RELN: variants seen among roughly 807,000 people sequenced by gnomAD.
RELN encodes the protein reelin.
Under a neutral mutation model 427.6 loss-of-function variants are expected in RELN, and 108 were observed. That is an observed-to-expected ratio of 0.25 (90% CI 0.22 to 0.30). The LOEUF is 0.30. Ranked by LOEUF, RELN falls within the 10% of genes least tolerant of loss-of-function variation. RELN has a pLI of 1.00. For missense variants in RELN, 3,715 were observed against 4,302.8 expected, an observed-to-expected ratio of 0.86 and a Z score of 3.82; for synonymous variants, 1,524 against 1,513.4, an observed-to-expected ratio of 1.01 and a Z score of -0.16.
In RELN at chr7:103,789,305, T is replaced by C. The variant is rs1455491913; in HGVS notation, c.474-12678A>G. Among the ~76,000 whole-genome samples the C allele has an allele frequency of 2.6e-5, 4 of 152,092 alleles. No individual in the cohort carries two copies. In the East Asian group the frequency reaches 7.7e-4, roughly 29 times the overall value. ...GCAAAGACTTCATGACTAAAACACCTAAAGCAACAGCAACAAAAGCCAAAA... is the reference window on the plus strand; with the variant it reads ...GCAAAGACTTCATGACTAAAACACCCAAAGCAACAGCAACAAAAGCCAAAA... On this transcript the variant is annotated intron_variant, in intron 3 of 64. Coordinates refer to ENST00000428762, the MANE Select transcript of RELN (RefSeq NM_005045.4).
At chr7:103,588,492 C>G (rs967032887) in intron 28 of RELN, among the ~76,000 whole-genome samples, 2 of 152,086 alleles carry the variant, frequency 1.3e-5, no homozygotes, top group Non-Finnish European at 2.9e-5. Flanking sequence ...AGAAGGGTGA[C>G]TATACTTAAC....
At chr7:103,780,357 TC>T (rs1255471538) in intron 3 of RELN, among the ~76,000 whole-genome samples, 1 of 152,252 alleles carries the variant, frequency 6.6e-6, no homozygotes, top group African/African-American at 2.4e-5. Context: ...TTTTAAACTT[TC>T]TTCCATTTTA....
rs140330003 is a variant in RELN, at chr7:103,607,384, C to T, written c.3009-2901G>A. 3.4e-3 allele frequency among the ~76,000 whole-genome samples: 515 copies of T among 152,304 alleles called. 7 individuals carry two copies. Among genetic ancestry groups the T allele is most frequent in the African/African-American group, 0.012 (485 of 41,572 alleles). ...GTGTGAGCAATCTCCAGCTGTCACA[C>T]GTGAGAAGACAAGGTGCAAAGTCTC... is the stretch of plus-strand genomic sequence containing the variant. On this transcript the variant is annotated intron_variant, in intron 22 of 64. Coordinates refer to ENST00000428762, the MANE Select transcript of RELN (RefSeq NM_005045.4).
chr7:103,659,265 C>T (rs1288695833), intron 12 of RELN, among the ~76,000 whole-genome samples: 3 of 152,004 alleles, frequency 2.0e-5, no homozygotes, highest in Non-Finnish European at 2.9e-5. Flanking sequence ...TTATTTCAAT[C>T]TTCCATCATA....
chr7:103,695,546 T>C (rs1427149720), intron 10 of RELN, among the ~76,000 whole-genome samples: 5 of 152,114 alleles, frequency 3.3e-5, no homozygotes, highest in African/African-American at 1.2e-4. Context: ...CCACACCTCA[T>C]GCATTTTTAT....
intron 2 of RELN, among the ~76,000 whole-genome samples, chr7:103,862,716 T>C (rs941941773): frequency 2.0e-5 from 3 of 152,130 alleles, no homozygotes; most frequent in Non-Finnish European, 4.4e-5. Flanking sequence ...TAAAGTCAAA[T>C]GTATTGAAAC....
intron 1 of RELN, among the ~76,000 whole-genome samples, chr7:103,956,374 C>G (rs1007795073): frequency 2.6e-5 from 4 of 152,174 alleles, no homozygotes; most frequent in African/African-American, 9.7e-5. Flanking sequence ...AAAGTAACAA[C>G]ACTGCTGAAG....
chr7:103,901,247 C>A (rs813916), intron 2 of RELN, among the ~76,000 whole-genome samples: 124,327 of 151,942 alleles, frequency 0.82, 51,222 homozygotes, highest in African/African-American at 0.93. Context: ...AAGTAAAACA[C>A]AAAAAAGCAA....
intron 2 of RELN, among the ~76,000 whole-genome samples, chr7:103,855,802 C>T (rs1229891870): frequency 2.0e-5 from 3 of 152,112 alleles, no homozygotes; most frequent in Non-Finnish European, 4.4e-5. Context: ...ATGGCATTCT[C>T]CCTGTATCTC....
intron 5 of RELN, among the ~76,000 whole-genome samples, chr7:103,750,979 A>C (rs1461783879): frequency 6.6e-6 from 1 of 152,206 alleles, no homozygotes; most frequent in Admixed American, 6.5e-5. Context: ...TAGATGATGA[A>C]TAAGTAAACT....
intron 3 of RELN, among the ~76,000 whole-genome samples, chr7:103,801,223 A>C (rs539802985): frequency 6.6e-6 from 1 of 152,226 alleles, no homozygotes; most frequent in Admixed American, 6.5e-5. Flanking sequence ...CAGCCATCCC[A>C]TTACTGGGTA....
At chr7:103,642,706 A>G (rs554906696) in intron 16 of RELN, among the ~76,000 whole-genome samples, 2 of 152,076 alleles carry the variant, frequency 1.3e-5, no homozygotes, top group South Asian at 4.1e-4. Flanking sequence ...GCTTCATTGC[A>G]CTCTTAATTT....
intron 1 of RELN, among the ~76,000 whole-genome samples, chr7:103,949,380 C>T (rs1796287134): frequency 2.0e-5 from 2 of 102,264 alleles, no homozygotes; most frequent in East Asian, 8.0e-4. Context: ...AAACTTTGAA[C>T]TTAAAAAAAA....
At chr7:103,526,597 T>G (rs1020784869) in intron 46 of RELN, among the ~76,000 whole-genome samples, 2 of 152,188 alleles carry the variant, frequency 1.3e-5, no homozygotes, top group African/African-American at 2.4e-5. Flanking sequence ...AGAGGAAACA[T>G]TTTCACTAAG....
At chr7:103,774,059 G>T (rs1452783135) in intron 4 of RELN, among the ~76,000 whole-genome samples, 2 of 151,978 alleles carry the variant, frequency 1.3e-5, no homozygotes, top group Non-Finnish European at 2.9e-5. Flanking sequence ...ACTTTGGGAG[G>T]TTGAGGCAGG....
intron 6 of RELN, among the ~76,000 whole-genome samples, chr7:103,736,595 G>C (rs1159089409): frequency 6.6e-6 from 1 of 152,066 alleles, no homozygotes; most frequent in Non-Finnish European, 1.5e-5. Flanking sequence ...TTCATTAACA[G>C]GTACGAATGA....
intron 20 of RELN, among the ~76,000 whole-genome samples, chr7:103,612,280 A>G (rs1831977343): frequency 6.6e-6 from 1 of 152,070 alleles, no homozygotes; most frequent in Admixed American, 6.6e-5. Flanking sequence ...AGATAATATA[A>G]TCACATTAAA....
chr7:103,989,002 G>A lies in RELN; in HGVS notation c.226+129C>T, dbSNP rs2116859423. On this transcript the variant is annotated intron_variant, in intron 1 of 64. Coordinates refer to ENST00000428762, the MANE Select transcript of RELN (RefSeq NM_005045.4). This position sits in a 1 kb window ranked among gnomAD's most constrained non-coding sequence, Gnocchi z 4.9. Reference sequence around the variant, plus strand: ...ACTTTATTCTCGCTCCCTGGACCAAGCGCATCGCTGGGGCCAGGGTTGTCA... The same window carrying A: ...ACTTTATTCTCGCTCCCTGGACCAAACGCATCGCTGGGGCCAGGGTTGTCA... 1.2e-6 allele frequency: 1 copy of A among 800,626 alleles called. No individual in the cohort carries two copies. The highest frequency in any genetic ancestry group is 2.6e-5 in the East Asian group (1 of 39,032). The allele number at this position is 800,626 out of a possible 1,614,324, so 49.6% of individuals were successfully genotyped here. A position where few individuals can be genotyped will look rare whatever the true frequency, so the allele number is the denominator to read the frequency against.
In RELN at chr7:103,837,119, C is replaced by A. The variant is rs561540903; in HGVS notation, c.338-3447G>T. Among the ~76,000 whole-genome samples the A allele has an allele frequency of 1.4e-4, 21 of 152,258 alleles. 1 individual carries two copies. Among genetic ancestry groups the A allele is most frequent in the African/African-American group, 4.8e-5 (2 of 41,544 alleles). Reference sequence around the variant, plus strand: ...TGTTGTGTGGTACAAAGAAAGGATTCGACTTTTTTCCCTAAATGGTCCTAG... The same window carrying A: ...TGTTGTGTGGTACAAAGAAAGGATTAGACTTTTTTCCCTAAATGGTCCTAG... On this transcript the variant is annotated intron_variant, in intron 2 of 64. Transcript: ENST00000428762.
Sources: allele counts gnomAD v4.1 joint callset (sites outside exome capture counted in the v4.1 genomes callset), GRCh38; gene constraint gnomAD v4.1.1; non-coding constraint Gnocchi (gnomAD v3.1); transcripts MANE v1.5; gene names NCBI Gene and HGNC (gene_info 2026-07-23, HGNC 2026-07-21).